The following ANKRD46 variants were observed in gnomAD, a reference collection of about 807,000 sequenced individuals.
The protein encoded by ANKRD46 is ankyrin repeat domain-containing protein 46.
ANKRD46 carries 13 observed loss-of-function variants against 19.8 expected under a neutral mutation model. The ratio of observed to expected loss-of-function variants is 0.66; its 90% CI spans 0.43 to 1.04. ANKRD46 has a LOEUF of 1.04. Ranked by LOEUF, ANKRD46 falls within the 50% of genes least tolerant of loss-of-function variation. The probability of loss-of-function intolerance (pLI) is 0.00; values close to 1 mark genes in which losing one functional copy is unlikely to be tolerated. For missense variants in ANKRD46, 185 were observed against 274.8 expected, an observed-to-expected ratio of 0.67 and a Z score of 2.31; for synonymous variants, 91 against 106.9, an observed-to-expected ratio of 0.85 and a Z score of 0.92.
At chr8:100,556,799 C>CT (rs1331635013) in intron 1 of ANKRD46, 2 of 152,218 alleles carry the variant, frequency 1.3e-5, no homozygotes, top group Non-Finnish European at 2.9e-5. Context: ...CTGAAAAACT[C>CT]TTTACTTGGC....
At chr8:100,538,731 G>A (rs1321392111) in intron 1 of ANKRD46, among the ~76,000 whole-genome samples, 1 of 152,108 alleles carries the variant, frequency 6.6e-6, no homozygotes, top group Non-Finnish European at 1.5e-5. Flanking sequence ...GTGAAACCTA[G>A]GTAAACATAA....
At chr8:100,540,439 C>T (rs1812154530) in intron 1 of ANKRD46, among the ~76,000 whole-genome samples, 1 of 152,128 alleles carries the variant, frequency 6.6e-6, no homozygotes, top group Non-Finnish European at 1.5e-5. Context: ...TTTTAATCAT[C>T]TCATAAAAAT....
At position 100,534,818 on chromosome 8, in the gene ANKRD46, G is replaced by A. The variant is rs1044712091; in HGVS notation, c.-130-1507C>T. On this transcript the variant is annotated intron_variant, in intron 1 of 4. Coordinates refer to ENST00000335659, the MANE Select transcript of ANKRD46 (RefSeq NM_001270377.2). This position sits in a 1 kb window ranked among gnomAD's most constrained non-coding sequence, Gnocchi z 4.2. The stretch of plus-strand genomic sequence containing the variant: ...AGAGTCTCACTCTGTCGCTGGTGCC[G>A]GAGTGCAGTGGTGCAATCTCGACTC... Among the ~76,000 whole-genome samples, 2 of 152,034 alleles carry A rather than the reference G, an allele frequency of 1.3e-5. No homozygotes were observed. Among genetic ancestry groups the A allele is most frequent in the African/African-American group, 4.8e-5 (2 of 41,394 alleles).
Position 100,522,864 on chromosome 8 carries a change from TACACAC to T in ANKRD46, c.471-99_471-94del, listed in dbSNP as rs199938933. The stretch of plus-strand genomic sequence containing the variant: ...GGGCTACTATTTAGAAAAGACCAAA[TACACAC>T]ACACACACACACACACACACACACA... On this transcript the variant is annotated intron_variant, in intron 4 of 4. Transcript: ENST00000335659. 457 of 593,838 alleles carry T rather than the reference TACACAC, an allele frequency of 7.7e-4. 1 individual carries two copies. The highest frequency in any genetic ancestry group is 4.5e-3 in the East Asian group (139 of 30,978). The allele number at this position is 593,838 out of a possible 1,614,324, so 36.8% of individuals were successfully genotyped here. A position where few individuals can be genotyped will look rare whatever the true frequency, so the allele number is the denominator to read the frequency against.
Position 100,536,761 on chromosome 8 carries a change from G to A in ANKRD46, c.-130-3450C>T, listed in dbSNP as rs1302561693. On this transcript the variant is annotated intron_variant, in intron 1 of 4. Coordinates refer to ENST00000335659, the MANE Select transcript of ANKRD46 (RefSeq NM_001270377.2). The surrounding 1 kb of genome is among the most constrained non-coding windows in gnomAD (Gnocchi z 4.9). ...AGGGCCCTGGTTCCCAAGGAACAGT[G>A]TCCATGAGGAACAGTGTCCACTGAC... 1.3e-5 allele frequency among the ~76,000 whole-genome samples: 2 copies of A among 152,192 alleles called. No homozygotes were observed. Among genetic ancestry groups the A allele is most frequent in the East Asian group, 3.9e-4 (2 of 5,194 alleles).
chr8:100,522,289 T>G lies in ANKRD46; in HGVS notation c.*266A>C, dbSNP rs887400148. 7.9e-7 allele frequency: 1 copy of G among 1,258,420 alleles called. No individual in the cohort carries two copies. The highest frequency in any genetic ancestry group is 1.5e-5 in the African/African-American group (1 of 66,532). The allele number at this position is 1,258,420 out of a possible 1,614,324, so 78.0% of individuals were successfully genotyped here. ...ATCTTCCATTCTCTAGTCACTTCCG[T>G]GTTTTTATCAAACAAGGCTACGTGT... On this transcript the variant is annotated 3_prime_UTR_variant, in exon 5 of 5. Transcript: ENST00000335659.
At chr8:100,540,155 A>G (rs1812148086) in intron 1 of ANKRD46, among the ~76,000 whole-genome samples, 1 of 152,116 alleles carries the variant, frequency 6.6e-6, no homozygotes, top group Non-Finnish European at 1.5e-5. Context: ...TAGAAACCCT[A>G]CAAGGTACAT....
rs1037955387 is a variant in ANKRD46 at position 100,534,370 on chromosome 8, T to C, written c.-130-1059A>G. Among the ~76,000 whole-genome samples, 1 of 152,232 alleles carries C rather than the reference T, an allele frequency of 6.6e-6. No homozygotes were observed. Among genetic ancestry groups the C allele is most frequent in the African/African-American group, 2.4e-5 (1 of 41,458 alleles). ...AGGGTCAGTAAATATCACGAAGACA[T>C]GATAACACACAAAACATCTACGCTC... On this transcript the variant is annotated intron_variant, in intron 1 of 4. Transcript: ENST00000335659. The surrounding 1 kb of genome is among the most constrained non-coding windows in gnomAD (Gnocchi z 4.2).
intron 1 of ANKRD46, among the ~76,000 whole-genome samples, chr8:100,541,705 G>A (rs115678721): frequency 0.013 from 1,906 of 152,222 alleles, 53 homozygotes; most frequent in African/African-American, 0.044. Flanking sequence ...ATCCCCACAC[G>A]TTCTAGTCCT....
rs540831307 is a variant in ANKRD46 at position 100,534,809 on chromosome 8, G to A, written c.-130-1498C>T. 3.9e-5 allele frequency among the ~76,000 whole-genome samples: 6 copies of A among 152,156 alleles called. No homozygotes were observed. Among genetic ancestry groups the A allele is most frequent in the African/African-American group, 7.2e-5 (3 of 41,518 alleles). ...TTTTGAGACAGAGTCTCACTCTGTCGCTGGTGCCGGAGTGCAGTGGTGCAA... is the reference window on the plus strand; with the variant it reads ...TTTTGAGACAGAGTCTCACTCTGTCACTGGTGCCGGAGTGCAGTGGTGCAA... On this transcript the variant is annotated intron_variant, in intron 1 of 4. Coordinates refer to ENST00000335659, the MANE Select transcript of ANKRD46 (RefSeq NM_001270377.2). This position sits in a 1 kb window ranked among gnomAD's most constrained non-coding sequence, Gnocchi z 4.2.
In ANKRD46 at chr8:100,527,105, G is replaced by A. The variant is rs192345651; in HGVS notation, c.470+740C>T. On this transcript the variant is annotated intron_variant, in intron 4 of 4. Transcript: ENST00000335659. This position sits in a 1 kb window ranked among gnomAD's most constrained non-coding sequence, Gnocchi z 4.0. ...GTGACATCAGGAGAAAAGATGGTGC[G>A]CCACCTTTTTGGAGCTCTCTGAACT... is the stretch of plus-strand genomic sequence containing the variant. Among the ~76,000 whole-genome samples, 243 of 152,204 alleles carry A rather than the reference G, an allele frequency of 1.6e-3. 1 individual carries two copies. The highest frequency in any genetic ancestry group is 9.4e-4 in the Non-Finnish European group (64 of 67,994).
intron 1 of ANKRD46, among the ~76,000 whole-genome samples, chr8:100,548,282 T>A (rs1426510137): frequency 6.6e-6 from 1 of 152,110 alleles, no homozygotes; most frequent in Non-Finnish European, 1.5e-5. Flanking sequence ...TCCAAATTCA[T>A]CTTTAACCAT....
chr8:100,545,832 T>A lies in ANKRD46; in HGVS notation c.-130-12521A>T, dbSNP rs1812262940. Among the ~76,000 whole-genome samples the A allele has an allele frequency of 1.3e-5, 2 of 152,122 alleles. No homozygotes were observed. Among genetic ancestry groups the A allele is most frequent in the South Asian group, 4.1e-4 (2 of 4,822 alleles). ...TGGTCTCAGAAAGAGATGAGGGACT[T>A]TTTGGGAACTGGAGTAAAGGTCACT... is the stretch of plus-strand genomic sequence containing the variant. On this transcript the variant is annotated intron_variant, in intron 1 of 4. Coordinates refer to ENST00000335659, the MANE Select transcript of ANKRD46 (RefSeq NM_001270377.2). This position sits in a 1 kb window ranked among gnomAD's most constrained non-coding sequence, Gnocchi z 4.7.
At chr8:100,531,958 G>A (rs1680692234) in intron 2 of ANKRD46, among the ~76,000 whole-genome samples, 1 of 152,170 alleles carries the variant, frequency 6.6e-6, no homozygotes, top group Admixed American at 6.5e-5. Context: ...GGCAAGAAAT[G>A]AAAACCTGAC....
intron 5 of ANKRD46, among the ~76,000 whole-genome samples, chr8:100,513,905 C>T (rs1210127302): frequency 6.6e-6 from 1 of 152,194 alleles, no homozygotes; most frequent in Non-Finnish European, 1.5e-5. Context: ...CTTTCTGTGC[C>T]AGTGACCTAG....
At position 100,534,880 on chromosome 8, in the gene ANKRD46, C is replaced by T. The variant is rs1405906988; in HGVS notation, c.-130-1569G>A. ...CCTCCGCGTTCAAGCAATTATCCTG[C>T]CTCAGCCTCCCCAGTAGCTGGGACT... On this transcript the variant is annotated intron_variant, in intron 1 of 4. Transcript: ENST00000335659. The surrounding 1 kb of genome is among the most constrained non-coding windows in gnomAD (Gnocchi z 4.2). Among the ~76,000 whole-genome samples the T allele has an allele frequency of 1.3e-5, 2 of 152,188 alleles. No individual in the cohort carries two copies. The highest frequency in any genetic ancestry group is 2.9e-5 in the Non-Finnish European group (2 of 68,026).
rs35216029 is a variant in ANKRD46 at position 100,514,617 on chromosome 8, C to CTTTTTTTTTTTTTTTTTT, written c.637-3996_637-3979dup. On this transcript the variant is annotated intron_variant, in intron 5 of 5. Coordinates refer to the ANKRD46 transcript ENST00000520552. ...TGAGTGTGGGTTATTCCTCCATCTT[C>CTTTTTTTTTTTTTTTTTT]TTTTTTTTTTTTTTTTTTTTTTGAG... Among the ~76,000 whole-genome samples the CTTTTTTTTTTTTTTTTTT allele has an allele frequency of 5.9e-4, 44 of 74,062 alleles. 8 individuals carry two copies. The highest frequency in any genetic ancestry group is 1.8e-3 in the Admixed American group (9 of 5,036). 48.6% of individuals were successfully genotyped at this position (74,062 alleles called of 152,430 possible).
At position 100,510,467 on chromosome 8, in the gene ANKRD46, C is replaced by G; in HGVS notation, c.*110G>C. The G allele has an allele frequency of 9.5e-7, 1 of 1,057,508 alleles. No individual in the cohort carries two copies. Among genetic ancestry groups the G allele is most frequent in the Non-Finnish European group, 1.3e-6 (1 of 746,066 alleles). 65.5% of individuals were successfully genotyped at this position (1,057,508 alleles called of 1,614,324 possible). On this transcript the variant is annotated 3_prime_UTR_variant, in exon 6 of 6. Transcript: ENST00000520552. The surrounding 1 kb of genome is among the most constrained non-coding windows in gnomAD (Gnocchi z 4.9). ...AACTGCAGAGCTTTGAGATGATGCT[C>G]CATGACACAAGTCGTGACGGAAACA...
chr8:100,526,628 G>C lies in ANKRD46; in HGVS notation c.470+1217C>G, dbSNP rs899869566. On this transcript the variant is annotated intron_variant, in intron 4 of 4. Coordinates refer to ENST00000335659, the MANE Select transcript of ANKRD46 (RefSeq NM_001270377.2). ...CACTGTTCCAGAAGTAAAGCTCTTG[G>C]ATTTCTTTAGGACTGTATTAAAGTG... Among the ~76,000 whole-genome samples the C allele has an allele frequency of 1.7e-4, 26 of 152,128 alleles. 1 individual carries two copies. The highest frequency in any genetic ancestry group is 1.5e-3 in the Admixed American group (23 of 15,270).
Sources: allele counts gnomAD v4.1 joint callset (sites outside exome capture counted in the v4.1 genomes callset), GRCh38; gene constraint gnomAD v4.1.1; non-coding constraint Gnocchi (gnomAD v3.1); transcripts MANE v1.5; gene names NCBI Gene and HGNC (gene_info 2026-07-23, HGNC 2026-07-21).